The following FAT2 variants were observed in gnomAD, a reference collection of about 807,000 sequenced individuals.
FAT2 encodes the protein protocadherin Fat 2.
Under a neutral mutation model 295.3 loss-of-function variants are expected in FAT2, and 150 were observed. The observed-to-expected ratio is 0.51, with a 90% CI of 0.44 to 0.58. The LOEUF (loss-of-function observed/expected upper bound fraction) is 0.58, where lower values mean the gene tolerates loss of function less well. FAT2 is among the 20% of genes least tolerant of loss of function. The probability of loss-of-function intolerance (pLI) is 0.00; values close to 1 mark genes in which losing one functional copy is unlikely to be tolerated. For synonymous variants in FAT2, 2,026 were observed against 2,150.3 expected, an observed-to-expected ratio of 0.94 and a Z score of 1.60; for missense variants, 4,868 against 5,442.7, an observed-to-expected ratio of 0.89 and a Z score of 3.32.
Position 151,521,453 on chromosome 5 carries a change from C to T in FAT2, c.11140G>A (p.Val3714Met). Residue 3714 changes from valine to methionine, a missense_variant, in exon 19 of 24, where the codon GTG (valine) becomes ATG (methionine). Physicochemically the swap from Val to Met is conservative, Grantham distance 21. Coordinates refer to ENST00000261800, the MANE Select transcript of FAT2 (RefSeq NM_001447.3). ...ATAGCTGACCGCATCTGAACCCCCA[C>T]TGAATGCTCCATCTCCTTGGCTGAG... is the stretch of plus-strand genomic sequence containing the variant. Reference protein sequence around the residue: ...THSAKEMEHSVGVQMRSAMPM... With the variant: ...THSAKEMEHSMGVQMRSAMPM... 1.2e-6 allele frequency: 2 copies of T among 1,614,242 alleles called. No homozygotes were observed. Among genetic ancestry groups the T allele is most frequent in the Admixed American group, 1.7e-5 (1 of 60,036 alleles).
intron 5 of FAT2, 114 bp downstream of exon 5, chr5:151,554,248 G>T: frequency 1.0e-6 from 1 of 956,698 alleles, no homozygotes; most frequent in Non-Finnish European, 1.5e-6. Context: ...AGGCCAGGAA[G>T]GAGAGTACCA....
chr5:151,527,306 G>A lies in FAT2; in HGVS notation c.10236C>T (p.Ile3412=), dbSNP rs375180413. 1.4e-5 allele frequency: 23 copies of A among 1,613,642 alleles called. No individual in the cohort carries two copies. The African/African-American group carries it at 1.7e-4, about 12-fold the overall frequency. The change falls in exon 17 of 24, where the codon ATC becomes ATT. Residue 3412 remains isoleucine (I), a synonymous_variant. Transcript: ENST00000261800. ...GQPPLHEDTD[I]AIQVADVNDN... The stretch of plus-strand genomic sequence containing the variant: ...CATTGACATCAGCCACTTGGATAGC[G>A]ATGTCTGTGTCCTCATGCAGTGGAG...
At chr5:151,507,662 T>C (rs1325509537) in intron 22 of FAT2, 51 bp from the exon 23 acceptor site, 1 of 1,496,756 alleles carries the variant, frequency 6.7e-7, no homozygotes, top group Non-Finnish European at 9.0e-7. Context: ...GCCCTTTCCA[T>C]GTCCCCTCTT....
In FAT2 at chr5:151,545,974, A is replaced by G. The variant is rs1756591294; in HGVS notation, c.5153T>C (p.Leu1718Ser). Reference protein sequence around the residue: ...YSGLISTQKKLDHEKISSYQL... With the variant: ...YSGLISTQKKSDHEKISSYQL... ...GTAAGACGAGATTTTCTCATGGTCC[A>G]ATTTCTTCTGGGTGGAAATAAGGCC... The change falls in exon 10 of 24, where the codon TTG becomes TCG. Residue 1718 changes from leucine to serine, a missense_variant. Coordinates refer to ENST00000261800, the MANE Select transcript of FAT2 (RefSeq NM_001447.3). 6.2e-7 allele frequency: 1 copy of G among 1,614,030 alleles called. No individual in the cohort carries two copies. The highest frequency in any genetic ancestry group is 1.7e-5 in the Admixed American group (1 of 59,994).
At chr5:151,575,566 C>T (rs4416595) in intron 1 of FAT2, among the ~76,000 whole-genome samples, 70,225 of 152,072 alleles carry the variant, frequency 0.46, 16,313 homozygotes, top group Middle Eastern at 0.5. Flanking sequence ...CTGGAACACA[C>T]TCAGTACCAG....
At chr5:151,590,026 A>G (rs1455544984) in intron 1 of FAT2, among the ~76,000 whole-genome samples, 2 of 152,218 alleles carry the variant, frequency 1.3e-5, no homozygotes, top group East Asian at 3.8e-4. Context: ...AGTCACAGAG[A>G]CATGATTAAT....
At position 151,553,534 on chromosome 5, in the gene FAT2, C is replaced by T. The variant is rs1247313270; in HGVS notation, c.3946-147G>A. 6 of 731,822 alleles carry T rather than the reference C, an allele frequency of 8.2e-6. No homozygotes were observed. The East Asian group carries it at 1.3e-4, about 16-fold the overall frequency. The allele number at this position is 731,822 out of a possible 1,614,324, so 45.3% of individuals were successfully genotyped here. A position where few individuals can be genotyped will look rare whatever the true frequency, so the allele number is the denominator to read the frequency against. The stretch of plus-strand genomic sequence containing the variant: ...CATTCATCTGATGCATACTTGAAGG[C>T]TTGCTGTAAACAGGCACCCTGCCAG... On this transcript the variant is annotated intron_variant, in intron 5 of 23. Coordinates refer to ENST00000261800, the MANE Select transcript of FAT2 (RefSeq NM_001447.3).
intron 10 of FAT2, 72 bp from the exon 11 acceptor site, chr5:151,540,835 G>A (rs2127603206): frequency 7.3e-7 from 1 of 1,371,860 alleles, no homozygotes; most frequent in Admixed American, 2.2e-5. Context: ...ACAGGTGGCT[G>A]CCCATTGGAT....
At chr5:151,555,877 C>G (rs1440343039) in intron 4 of FAT2, among the ~76,000 whole-genome samples, 1 of 152,128 alleles carries the variant, frequency 6.6e-6, no homozygotes, top group African/African-American at 2.4e-5. Context: ...CCCTCTAGGT[C>G]ACTAACCAAA....
At position 151,550,835 on chromosome 5, in the gene FAT2, G is replaced by A. The variant is rs201792633; in HGVS notation, c.4333C>T (p.Arg1445Trp). ...TAACGAGTTTCCAGAAACTGGGGCC[G>A]ATGGTGGTTAATGTTGGCAATCATG... ...IFMIANINHH[R>W]PQFLETRYEV... is the part of the protein sequence containing the mutation. Residue 1445 changes from arginine (R) to tryptophan (W), a missense_variant, in exon 8 of 24, where the codon CGG becomes TGG. Physicochemically the swap from Arg to Trp is moderately radical, Grantham distance 101 (BLOSUM62 -3). Transcript: ENST00000261800. The A allele has an allele frequency of 1.2e-5, 20 of 1,613,454 alleles. No individual in the cohort carries two copies. In the South Asian group the frequency reaches 1.8e-4, roughly 14 times the overall value.
chr5:151,576,736 T>A (rs1421749880), intron 1 of FAT2, among the ~76,000 whole-genome samples: 1 of 152,188 alleles, frequency 6.6e-6, no homozygotes, highest in Admixed American at 6.5e-5. Flanking sequence ...TACCTGCTAG[T>A]CAAGTCTTAG....
At chr5:151,549,121 C>T (rs1427208062) in intron 9 of FAT2, among the ~76,000 whole-genome samples, 174 bp downstream of exon 9, 1 of 152,168 alleles carries the variant, frequency 6.6e-6, no homozygotes, top group Admixed American at 6.5e-5. Context: ...TATGTTATTA[C>T]TACCTTTGGA....
chr5:151,550,997 A>G, intron 7 of FAT2, 126 bp from the exon 8 acceptor site: 1 of 784,224 alleles, frequency 1.3e-6, no homozygotes, highest in Non-Finnish European at 2.0e-6. Context: ...CACTTGATAA[A>G]TATTTGTTGA....
intron 9 of FAT2, among the ~76,000 whole-genome samples, chr5:151,547,399 T>C (rs1193790370): frequency 6.6e-6 from 1 of 152,236 alleles, no homozygotes; most frequent in Non-Finnish European, 1.5e-5. Context: ...AATAATCTTT[T>C]AATGCCATTA....
At chr5:151,550,485 T>C in intron 8 of FAT2, 105 bp downstream of exon 8, 1 of 1,280,886 alleles carries the variant, frequency 7.8e-7, no homozygotes, top group Non-Finnish European at 1.1e-6. Context: ...GTCTCGTGCA[T>C]GGTCCTTATG....
intron 1 of FAT2, among the ~76,000 whole-genome samples, chr5:151,584,913 C>T (rs1759112898): frequency 1.3e-5 from 2 of 152,174 alleles, no homozygotes; most frequent in South Asian, 4.1e-4. Context: ...TCCTGTCCTT[C>T]ACCCTCACAC....
In FAT2 at chr5:151,567,373, A is replaced by G. The variant is rs1758325332; in HGVS notation, c.1559T>C (p.Met520Thr). The change falls in exon 2 of 24, where the codon ATG (methionine) becomes ACG (threonine). Residue 520 changes from methionine to threonine, a missense_variant. Transcript: ENST00000261800. ...YLGIISTSKP[M>T]DYELMKRIYT... Reference sequence around the variant, plus strand: ...AATTCTTTTCATGAGTTCATAGTCCATGGGTTTGGAGGTGGAGATGATCCC... The same window carrying G: ...AATTCTTTTCATGAGTTCATAGTCCGTGGGTTTGGAGGTGGAGATGATCCC... 1.2e-6 allele frequency: 2 copies of G among 1,614,048 alleles called. No individual in the cohort carries two copies. Among genetic ancestry groups the G allele is most frequent in the Admixed American group, 1.7e-5 (1 of 60,012 alleles).
intron 9 of FAT2, among the ~76,000 whole-genome samples, chr5:151,546,839 C>T (rs1756690136): frequency 6.6e-6 from 1 of 152,072 alleles, no homozygotes; most frequent in Admixed American, 6.5e-5. Context: ...CAGCCTCAGC[C>T]TCTGGTGGGA....
intron 4 of FAT2, among the ~76,000 whole-genome samples, chr5:151,555,890 C>T (rs938128549): frequency 2.0e-5 from 3 of 152,144 alleles, no homozygotes; most frequent in Non-Finnish European, 4.4e-5. Context: ...TAACCAAAGC[C>T]TTTCATTGAA....
Sources: gnomAD v4.1 joint callset for allele counts (sites outside exome capture counted in the v4.1 genomes callset) on GRCh38, gnomAD v4.1.1 for gene constraint, MANE v1.5 for transcripts, NCBI Gene and HGNC (gene_info 2026-07-23, HGNC 2026-07-21) for gene names.